The following CACNA1E variants were observed in gnomAD, a reference collection of about 807,000 sequenced individuals.
The protein encoded by CACNA1E is voltage-dependent R-type calcium channel subunit alpha-1E.
A neutral mutation model predicts 259.2 loss-of-function variants in CACNA1E; 40 were observed. The ratio of observed to expected loss-of-function variants is 0.15; its 90% CI spans 0.12 to 0.20. The LOEUF is 0.20. CACNA1E is among the 10% of genes least tolerant of loss of function. The pLI, the probability that CACNA1E is intolerant of heterozygous loss-of-function variation, is 1.00. For missense variants in CACNA1E, 1,874 were observed against 3,040.1 expected (o/e 0.62, Z 9.02); for synonymous variants, 1,104 against 1,138.5 (o/e 0.97, Z 0.61).
At chr1:181,344,570 A>G (rs1433570454) in intron 1 of CACNA1E, among the ~76,000 whole-genome samples, 1 of 152,174 alleles carries the variant, frequency 6.6e-6, no homozygotes, top group Non-Finnish European at 1.5e-5. Context: ...TGACTGAATA[A>G]TTGCCTCAGG....
intron 6 of CACNA1E, among the ~76,000 whole-genome samples, chr1:181,634,629 C>G (rs1201450900): frequency 1.3e-5 from 2 of 152,186 alleles, no homozygotes; most frequent in African/African-American, 4.8e-5. Context: ...CTTGCAGTCC[C>G]CATCTTGGCT....
At chr1:181,698,678 A>G (rs1353229021) in intron 7 of CACNA1E, among the ~76,000 whole-genome samples, 1 of 152,084 alleles carries the variant, frequency 6.6e-6, no homozygotes, top group Non-Finnish European at 1.5e-5. Flanking sequence ...AGTCCATGAC[A>G]GGCCAGCCAT....
chr1:181,482,246 G>A (rs1663322811), upstream of CACNA1E, among the ~76,000 whole-genome samples: 1 of 152,340 alleles, frequency 6.6e-6, no homozygotes, highest in Non-Finnish European at 1.5e-5. Context: ...CAAAGGCCCC[G>A]ACACCTTACT....
chr1:181,383,106 C>T (rs1428503985), intron 1 of CACNA1E, among the ~76,000 whole-genome samples: 1 of 152,228 alleles, frequency 6.6e-6, no homozygotes, highest in Non-Finnish European at 1.5e-5. Flanking sequence ...TGGGATCTTT[C>T]TCTGCTTTCC....
chr1:181,728,240 G>A (rs1355431329), intron 18 of CACNA1E, among the ~76,000 whole-genome samples: 1 of 152,188 alleles, frequency 6.6e-6, no homozygotes, highest in African/African-American at 2.4e-5. Context: ...AGATGAGGAA[G>A]CCTGGGGGAG....
At chr1:181,637,363 C>A (rs1657320603) in intron 6 of CACNA1E, among the ~76,000 whole-genome samples, 1 of 152,026 alleles carries the variant, frequency 6.6e-6, no homozygotes, top group Non-Finnish European at 1.5e-5. Context: ...AACACAAAAC[C>A]CTAGGCACTT....
At chr1:181,607,902 C>T (rs1654385573) in intron 6 of CACNA1E, among the ~76,000 whole-genome samples, 1 of 152,038 alleles carries the variant, frequency 6.6e-6, no homozygotes. Context: ...AGTAATGGTA[C>T]CATTTCAGGG....
intron 3 of CACNA1E, among the ~76,000 whole-genome samples, chr1:181,527,606 G>A (rs1255247468): frequency 6.6e-6 from 1 of 152,174 alleles, no homozygotes; most frequent in Non-Finnish European, 1.5e-5. Context: ...TGAACAAAAT[G>A]CTGGCTGATA....
At chr1:181,597,803 AT>A (rs1653342681) in intron 6 of CACNA1E, among the ~76,000 whole-genome samples, 1 of 152,216 alleles carries the variant, frequency 6.6e-6, no homozygotes, top group Non-Finnish European at 1.5e-5. Flanking sequence ...AGCAGGCAAA[AT>A]AAGAGCTTGT....
intron 1 of CACNA1E, among the ~76,000 whole-genome samples, chr1:181,390,245 G>T (rs1453601974): frequency 6.6e-6 from 1 of 152,210 alleles, no homozygotes; most frequent in Non-Finnish European, 1.5e-5. Context: ...TAACCTGACC[G>T]CCTTAGGAGG....
intron 7 of CACNA1E, among the ~76,000 whole-genome samples, chr1:181,658,056 T>G (rs1384085723): frequency 6.6e-6 from 1 of 152,254 alleles, no homozygotes; most frequent in Non-Finnish European, 1.5e-5. Context: ...CTGATATTCT[T>G]TGTCCTAAGT....
chr1:181,477,786 T>C lies in CACNA1E; in HGVS notation c.435-5958T>C, dbSNP rs190453714. On this transcript the variant is annotated intron_variant, in intron 2 of 11. Coordinates refer to the CACNA1E transcript ENST00000524607. ...ACAGCTACTGAAGGTGAAATGTACATAACAAGTACTTACGTAGCACATACT... is the reference window on the plus strand; with the variant it reads ...ACAGCTACTGAAGGTGAAATGTACACAACAAGTACTTACGTAGCACATACT... Among the ~76,000 whole-genome samples, 355 of 152,348 alleles carry C rather than the reference T, an allele frequency of 2.3e-3. 2 individuals are homozygous for C. The highest frequency in any genetic ancestry group is 7.9e-3 in the African/African-American group (329 of 41,580).
chr1:181,719,054 T>G (rs1005454447), intron 12 of CACNA1E, among the ~76,000 whole-genome samples: 1 of 152,224 alleles, frequency 6.6e-6, no homozygotes, highest in African/African-American at 2.4e-5. Context: ...TGGTTCTGAG[T>G]ACGGGCAATT....
At chr1:181,762,167 G>A (rs1487963783) in intron 32 of CACNA1E, among the ~76,000 whole-genome samples, 2 of 152,150 alleles carry the variant, frequency 1.3e-5, no homozygotes, top group African/African-American at 4.8e-5. Context: ...TGGTTTCACA[G>A]GTACAAACGT....
chr1:181,670,703 G>A (rs77751324), intron 7 of CACNA1E, among the ~76,000 whole-genome samples: 10,762 of 152,088 alleles, frequency 0.071, 1,237 homozygotes, highest in African/African-American at 0.25. Context: ...CCCCACCCTC[G>A]GCAGAGTTGA....
chr1:181,617,587 A>G lies in CACNA1E; in HGVS notation c.952-33751A>G, dbSNP rs989175001. Among the ~76,000 whole-genome samples, 5 of 152,300 alleles carry G rather than the reference A, an allele frequency of 3.3e-5. No homozygotes were observed. In the East Asian group the frequency reaches 9.6e-4, roughly 29 times the overall value. ...CTGTTTCATGCCAATCCCCCTATCAAGAACTTCTGCTTTCCTTCTTCCCAC... is the reference window on the plus strand; with the variant it reads ...CTGTTTCATGCCAATCCCCCTATCAGGAACTTCTGCTTTCCTTCTTCCCAC... On this transcript the variant is annotated intron_variant, in intron 6 of 47. Transcript: ENST00000367573.
chr1:181,534,725 T>G (rs2102747881), intron 3 of CACNA1E, among the ~76,000 whole-genome samples: 1 of 151,952 alleles, frequency 6.6e-6, no homozygotes, highest in East Asian at 1.9e-4. Context: ...AACAAGAAAA[T>G]TTAGCAAGTT....
chr1:181,319,688 A>T (rs1387151993), intron 1 of CACNA1E, among the ~76,000 whole-genome samples: 1 of 152,204 alleles, frequency 6.6e-6, no homozygotes, highest in African/African-American at 2.4e-5. Flanking sequence ...TGTTGGTAAT[A>T]ATTACACATG....
intron 25 of CACNA1E, among the ~76,000 whole-genome samples, chr1:181,747,449 C>CTTTTTTTTTTTTT (rs1558340074): frequency 8.5e-6 from 1 of 117,322 alleles, no homozygotes; most frequent in African/African-American, 3.0e-5. Flanking sequence ...AAAAATCTGT[C>CTTTTTTTTTTTTT]ATTTTTTTTT....
Sources: allele counts gnomAD v4.1 joint callset (sites outside exome capture counted in the v4.1 genomes callset), GRCh38; gene constraint gnomAD v4.1.1; transcripts MANE v1.5; gene names NCBI Gene and HGNC (gene_info 2026-07-23, HGNC 2026-07-21).